Variants in RAD21 observed in about 807,000 individuals in gnomAD.
RAD21 encodes the protein RAD21 cohesin complex component.
In RAD21, 18 loss-of-function variants were observed where a neutral mutation model predicts 71.5. That is an observed-to-expected ratio of 0.25 (90% CI 0.17 to 0.37). The LOEUF is 0.37. Among genes scored for constraint, RAD21 ranks in the 10% least tolerant of loss-of-function variants. RAD21 has a pLI of 1.00. For missense variants in RAD21, 493 were observed against 769.1 expected (o/e 0.64, Z 4.25); for synonymous variants, 248 against 254.0 (o/e 0.98, Z 0.22).
chr8:116,852,023 C>T lies in RAD21; in HGVS notation c.1395G>A (p.Glu465=), dbSNP rs769195101. ...VMEASRTNID[E]SAMPPPPPQG... ...GAGGTGGTGGTGGAGGCATAGCTGA[C>T]TCATCTATGTTTGTTCTGCTGGCCT... The change falls in exon 11 of 14, where the codon GAG becomes GAA. Residue 465 remains glutamate, a synonymous_variant. Coordinates refer to ENST00000297338, the MANE Select transcript of RAD21 (RefSeq NM_006265.3). The T allele has an allele frequency of 1.2e-6, 2 of 1,613,202 alleles. No individual in the cohort carries two copies. The highest frequency in any genetic ancestry group is 1.7e-6 in the Non-Finnish European group (2 of 1,179,242).
intron 3 of RAD21, 109 bp downstream of exon 3, chr8:116,863,021 A>G (rs1245720623): frequency 7.3e-6 from 10 of 1,372,046 alleles, no homozygotes; most frequent in Non-Finnish European, 9.8e-6. Flanking sequence ...TATTTCAATT[A>G]AAACAAAGCA....
Position 116,863,227 on chromosome 8 carries a change from G to A in RAD21, c.177C>T (p.Leu59=). ...GATAGATTCGAACTACTCCCAGTAA[G>A]AGATGTCCTGATGTCCGTAATGCCA... ...VKMALRTSGH[L]LLGVVRIYHR... Residue 59 remains leucine (L), a synonymous_variant, in exon 3 of 14, where the codon CTC becomes CTT. Transcript: ENST00000297338. 6.2e-7 allele frequency: 1 copy of A among 1,612,254 alleles called. No individual in the cohort carries two copies. Among genetic ancestry groups the A allele is most frequent in the Non-Finnish European group, 8.5e-7 (1 of 1,178,648 alleles).
At chr8:116,854,568 C>T (rs1812423147) in intron 8 of RAD21, 100 bp from the exon 9 acceptor site, 1 of 870,818 alleles carries the variant, frequency 1.1e-6, no homozygotes, top group South Asian at 1.5e-5. Context: ...CTTTTCTACA[C>T]ACAGACTCTA....
chr8:116,862,670 G>A (rs1213309038), intron 3 of RAD21, among the ~76,000 whole-genome samples: 1 of 152,046 alleles, frequency 6.6e-6, no homozygotes, highest in African/African-American at 2.4e-5. Context: ...AGATGGTGGT[G>A]TGGTTGGCAG....
intron 2 of RAD21, among the ~76,000 whole-genome samples, chr8:116,864,977 C>A (rs1363886673): frequency 2.0e-5 from 3 of 152,092 alleles, no homozygotes; most frequent in Non-Finnish European, 2.9e-5. Flanking sequence ...TGCAAATGAG[C>A]CACGTGTGAC....
chr8:116,854,515 T>C (rs761355472), intron 8 of RAD21, 47 bp from the exon 9 acceptor site: 7 of 1,397,112 alleles, frequency 5.0e-6, no homozygotes, highest in Non-Finnish European at 1.0e-6. Flanking sequence ...GAGGCCAGCA[T>C]GGAACACACA....
chr8:116,852,393 T>A (rs143111247), intron 10 of RAD21, 156 bp downstream of exon 10: 2 of 832,956 alleles, frequency 2.4e-6, no homozygotes, highest in Non-Finnish European at 3.6e-6. Flanking sequence ...GGAGGCTTCA[T>A]ACTTAAATAA....
Position 116,847,548 on chromosome 8 carries a change from C to T in RAD21, c.1848G>A (p.Pro616=), listed in dbSNP as rs761965871. ...QQAIELTQEE[P]YSDIIATPGP... is the part of the protein sequence containing the mutation. ...CAGGTGTTGCGATGATGTCACTGTA[C>T]GGTTCTTCCTGTGTCAGCTCAATAG... Residue 616 remains proline, a synonymous_variant, in exon 14 of 14, where the codon CCG becomes CCA. Transcript: ENST00000297338. 31 of 1,613,860 alleles carry T rather than the reference C, an allele frequency of 1.9e-5. No individual in the cohort carries two copies. The highest frequency in any genetic ancestry group is 2.4e-5 in the Non-Finnish European group (28 of 1,179,928).
intron 8 of RAD21, among the ~76,000 whole-genome samples, 164 bp from the exon 9 acceptor site, chr8:116,854,632 C>T (rs1586266379): frequency 2.0e-5 from 3 of 152,228 alleles, no homozygotes. Context: ...GTTTTCCAAC[C>T]ACCATTCAGA....
At chr8:116,855,561 T>A (rs1812443735) in intron 8 of RAD21, among the ~76,000 whole-genome samples, 1 of 152,170 alleles carries the variant, frequency 6.6e-6, no homozygotes, top group African/African-American at 2.4e-5. Context: ...CATAAAATTT[T>A]TAAAAAAATT....
At chr8:116,860,815 G>A (rs1049008034) in intron 4 of RAD21, among the ~76,000 whole-genome samples, 3 of 152,052 alleles carry the variant, frequency 2.0e-5, no homozygotes, top group Non-Finnish European at 4.4e-5. Context: ...ATGGGTCATG[G>A]AGGCTTTAAA....
At chr8:116,868,189 T>C (rs1005035253) in intron 1 of RAD21, among the ~76,000 whole-genome samples, 2 of 152,198 alleles carry the variant, frequency 1.3e-5, no homozygotes, top group East Asian at 1.9e-4. Context: ...ACTACAGGCA[T>C]TGAGTCACCA....
intron 9 of RAD21, 133 bp from the exon 10 acceptor site, chr8:116,852,841 T>G: frequency 3.5e-6 from 2 of 578,460 alleles, no homozygotes; most frequent in Non-Finnish European, 5.1e-6. Context: ...TTTATCATAT[T>G]CACATTTCAT....
chr8:116,850,349 C>A (rs1231194455), intron 12 of RAD21, among the ~76,000 whole-genome samples: 1 of 152,160 alleles, frequency 6.6e-6, no homozygotes, highest in African/African-American at 2.4e-5. Flanking sequence ...CAGCTACACG[C>A]AATTTAGAAG....
At chr8:116,868,427 T>G (rs2130488323) in intron 1 of RAD21, among the ~76,000 whole-genome samples, 1 of 152,294 alleles carries the variant, frequency 6.6e-6, no homozygotes, top group South Asian at 2.1e-4. Flanking sequence ...TTCCAGTTTT[T>G]GGCTATTACA....
At chr8:116,856,093 C>A in intron 8 of RAD21, 73 bp downstream of exon 8, 1 of 1,506,866 alleles carries the variant, frequency 6.6e-7, no homozygotes, top group Non-Finnish European at 9.0e-7. Context: ...AGTAGCAGAT[C>A]AGTAGACAGG....
At chr8:116,857,052 A>C (rs1382140201) in intron 6 of RAD21, among the ~76,000 whole-genome samples, 1 of 152,172 alleles carries the variant, frequency 6.6e-6, no homozygotes, top group Non-Finnish European at 1.5e-5. Context: ...TTAAGTACTA[A>C]TAAAATTTAG....
intron 4 of RAD21, among the ~76,000 whole-genome samples, 165 bp from the exon 5 acceptor site, chr8:116,858,623 T>G (rs550805631): frequency 1.4e-3 from 214 of 152,338 alleles, no homozygotes; most frequent in Middle Eastern, 3.4e-3. Flanking sequence ...AATCCAAGAA[T>G]GTAAGTGATT....
At chr8:116,859,206 C>T (rs918627721) in intron 4 of RAD21, among the ~76,000 whole-genome samples, 9 of 151,730 alleles carry the variant, frequency 5.9e-5, no homozygotes, top group South Asian at 2.1e-4. Flanking sequence ...TACTGAGTTT[C>T]GCAGATGCTG....
Sources: gnomAD v4.1 joint callset for allele counts (sites outside exome capture counted in the v4.1 genomes callset) on GRCh38, gnomAD v4.1.1 for gene constraint, MANE v1.5 for transcripts, NCBI Gene and HGNC (gene_info 2026-07-23, HGNC 2026-07-21) for gene names.